The following KDM4C variants were observed in gnomAD, a reference collection of about 807,000 sequenced individuals.
KDM4C encodes lysine-specific demethylase 4C.
KDM4C carries 81 observed loss-of-function variants against 129.3 expected under a neutral mutation model. The ratio of observed to expected loss-of-function variants is 0.63; its 90% CI spans 0.52 to 0.75. KDM4C has a LOEUF of 0.75. Ranked by LOEUF, KDM4C falls within the 30% of genes least tolerant of loss-of-function variation. KDM4C has a pLI of 0.00. For missense variants in KDM4C, 1,457 were observed against 1,304.0 expected, an observed-to-expected ratio of 1.12 and a Z score of -1.81; for synonymous variants, 573 against 456.1, an observed-to-expected ratio of 1.26 and a Z score of -3.26.
Position 6,949,351 on chromosome 9 carries a change from C to T in KDM4C, c.922-31574C>T, listed in dbSNP as rs543956682. ...GGGATGGCGGCCGGGAAGAGGCGCT[C>T]CTCACTTCCCAGACTGGGCAGAGGG... On this transcript the variant is annotated intron_variant, in intron 8 of 21. Coordinates refer to ENST00000381309, the MANE Select transcript of KDM4C (RefSeq NM_015061.6). Among the ~76,000 whole-genome samples the T allele has an allele frequency of 1.2e-4, 18 of 151,352 alleles. 1 individual carries two copies. In the South Asian group the frequency reaches 3.1e-3, roughly 26 times the overall value.
chr9:6,799,066 T>G (rs1414044262), intron 2 of KDM4C, among the ~76,000 whole-genome samples: 2 of 149,648 alleles, frequency 1.3e-5, no homozygotes, highest in South Asian at 4.2e-4. Flanking sequence ...GCAGAGACGC[T>G]CCTCACTTTC....
intron 3 of KDM4C, among the ~76,000 whole-genome samples, chr9:6,807,260 G>C (rs1830170854): frequency 1.3e-5 from 2 of 152,096 alleles, no homozygotes; most frequent in Admixed American, 1.3e-4. Context: ...CGCCTGCCTT[G>C]GCCTCCCAAA....
chr9:6,838,339 A>G (rs947499236), intron 4 of KDM4C, among the ~76,000 whole-genome samples: 8 of 152,176 alleles, frequency 5.3e-5, no homozygotes, highest in African/African-American at 1.9e-4. Flanking sequence ...CGGTATGCAC[A>G]GTGATCTTTG....
chr9:6,903,301 T>G (rs1269495430), intron 8 of KDM4C, among the ~76,000 whole-genome samples: 1 of 152,216 alleles, frequency 6.6e-6, no homozygotes. Context: ...GAAAACTTGT[T>G]TCTTTGAAGG....
intron 19 of KDM4C, among the ~76,000 whole-genome samples, chr9:7,154,419 A>G (rs1393776389): frequency 6.6e-6 from 1 of 152,206 alleles, no homozygotes; most frequent in Non-Finnish European, 1.5e-5. Flanking sequence ...CTGCTCACAG[A>G]TGGGGCTACC....
chr9:6,925,103 C>G (rs1589134537), intron 8 of KDM4C: 1 of 985,228 alleles, frequency 1.0e-6, no homozygotes, highest in East Asian at 1.1e-4. Context: ...TAGTACAGAC[C>G]ATGCATTTTT....
intron 20 of KDM4C, among the ~76,000 whole-genome samples, chr9:7,168,234 A>G (rs1354307689): frequency 2.6e-5 from 4 of 152,184 alleles, no homozygotes; most frequent in East Asian, 1.9e-4. Flanking sequence ...AATTTTTTTC[A>G]AACTCTAGAT....
At chr9:6,795,167 G>A (rs557654642) in intron 2 of KDM4C, among the ~76,000 whole-genome samples, 2 of 152,234 alleles carry the variant, frequency 1.3e-5, no homozygotes, top group Admixed American at 6.5e-5. Flanking sequence ...AGGTCAGATA[G>A]CATGGAAAAC....
chr9:6,971,894 C>A (rs1563911481), intron 8 of KDM4C, among the ~76,000 whole-genome samples: 1 of 152,150 alleles, frequency 6.6e-6, no homozygotes. Flanking sequence ...TTGTTTCTAA[C>A]ATTGCTGGCA....
chr9:7,130,986 C>G (rs1199944530), intron 19 of KDM4C, among the ~76,000 whole-genome samples: 1 of 150,626 alleles, frequency 6.6e-6, no homozygotes, highest in Non-Finnish European at 1.5e-5. Context: ...CCGGGCTGGT[C>G]TCAAACTCTT....
chr9:6,873,373 G>C (rs1843056476), intron 5 of KDM4C, among the ~76,000 whole-genome samples: 1 of 152,132 alleles, frequency 6.6e-6, no homozygotes, highest in Admixed American at 6.5e-5. Flanking sequence ...TCTTCTAGTA[G>C]GTATAAGGAG....
chr9:6,849,769 A>C, intron 5 of KDM4C, 69 bp downstream of exon 5: 2 of 1,279,314 alleles, frequency 1.6e-6, no homozygotes, highest in Non-Finnish European at 2.2e-6. Context: ...CATATTGAAG[A>C]GGATTTTGTT....
At chr9:6,811,454 C>T (rs1831132836) in intron 3 of KDM4C, among the ~76,000 whole-genome samples, 1 of 152,108 alleles carries the variant, frequency 6.6e-6, no homozygotes, top group Non-Finnish European at 1.5e-5. Flanking sequence ...TCTTTAGCAC[C>T]TGACCTGGCA....
At position 6,792,864 on chromosome 9, in the gene KDM4C, T is replaced by A. The variant is rs1826955576; in HGVS notation, c.-17-108T>A. ...GAGACTGGTAGAAGGGAATGGGAAG[T>A]GACTGAAAGAGAAGGGTTCCTGCTG... On this transcript the variant is annotated intron_variant, in intron 1 of 21. Transcript: ENST00000381309. The A allele has an allele frequency of 3.7e-6, 4 of 1,082,792 alleles. No homozygotes were observed. In the East Asian group the frequency reaches 9.5e-5, roughly 26 times the overall value. 67.1% of individuals were successfully genotyped at this position (1,082,792 alleles called of 1,614,324 possible). A position where few individuals can be genotyped will look rare whatever the true frequency, so the allele number is the denominator to read the frequency against.
chr9:6,794,792 C>T (rs989937951), intron 2 of KDM4C, among the ~76,000 whole-genome samples: 13 of 151,942 alleles, frequency 8.6e-5, no homozygotes, highest in Non-Finnish European at 1.8e-4. Flanking sequence ...GTGACATGCC[C>T]CGAGTCATAG....
chr9:6,911,250 A>G (rs954814789), intron 8 of KDM4C, among the ~76,000 whole-genome samples: 2 of 152,192 alleles, frequency 1.3e-5, no homozygotes, highest in Non-Finnish European at 2.9e-5. Context: ...AACTTTTAAT[A>G]TGGAAGTAAA....
chr9:7,074,708 C>T (rs1320246416), intron 17 of KDM4C, among the ~76,000 whole-genome samples: 1 of 152,158 alleles, frequency 6.6e-6, no homozygotes, highest in Non-Finnish European at 1.5e-5. Context: ...GTTTTCATTA[C>T]TTGCTATTAA....
At chr9:6,976,124 A>G (rs1349614517) in intron 8 of KDM4C, among the ~76,000 whole-genome samples, 2 of 152,182 alleles carry the variant, frequency 1.3e-5, no homozygotes, top group African/African-American at 4.8e-5. Context: ...GCACAGATCT[A>G]TGTGATTATG....
upstream of KDM4C, among the ~76,000 whole-genome samples, chr9:6,753,848 A>C (rs1376343041): frequency 6.6e-6 from 1 of 151,388 alleles, no homozygotes; most frequent in Non-Finnish European, 1.5e-5. Context: ...AAAAACACTA[A>C]GTATTACTAT....
Sources: allele counts gnomAD v4.1 joint callset (sites outside exome capture counted in the v4.1 genomes callset), GRCh38; gene constraint gnomAD v4.1.1; transcripts MANE v1.5; gene names NCBI Gene and HGNC (gene_info 2026-07-23, HGNC 2026-07-21).